The following PRKG1 variants were observed in gnomAD, a reference collection of about 807,000 sequenced individuals.
The protein encoded by PRKG1 is cGMP-dependent protein kinase 1.
In PRKG1, 35 loss-of-function variants were observed where a neutral mutation model predicts 88.1. The ratio of observed to expected loss-of-function variants is 0.40; its 90% CI spans 0.30 to 0.53. The LOEUF (loss-of-function observed/expected upper bound fraction) is 0.53, where lower values mean the gene tolerates loss of function less well. Ranked by LOEUF, PRKG1 falls within the 20% of genes least tolerant of loss-of-function variation. The probability of loss-of-function intolerance (pLI) is 0.59; values close to 1 mark genes in which losing one functional copy is unlikely to be tolerated. For missense variants in PRKG1, 540 were observed against 839.8 expected (o/e 0.64, Z 4.41); for synonymous variants, 303 against 292.5 (o/e 1.04, Z -0.37).
At chr10:52,055,523 G>A (rs988896155) in intron 6 of PRKG1, among the ~76,000 whole-genome samples, 14 of 151,964 alleles carry the variant, frequency 9.2e-5, no homozygotes, top group Non-Finnish European at 1.9e-4. Flanking sequence ...TGAGTGAATT[G>A]GAAAATAGAA....
At chr10:51,491,310 G>A (rs1020319354) in intron 3 of PRKG1, among the ~76,000 whole-genome samples, 1 of 152,112 alleles carries the variant, frequency 6.6e-6, no homozygotes, top group African/African-American at 2.4e-5. Context: ...ATACACTACT[G>A]TCAGACCTCC....
At chr10:51,397,358 T>C (rs1837607521) in intron 2 of PRKG1, among the ~76,000 whole-genome samples, 1 of 152,168 alleles carries the variant, frequency 6.6e-6, no homozygotes, top group Non-Finnish European at 1.5e-5. Context: ...TCAAAGATTA[T>C]AGTTTTTCCT....
intron 4 of PRKG1, among the ~76,000 whole-genome samples, chr10:51,902,359 G>A (rs971446921): frequency 4.6e-5 from 7 of 151,896 alleles, no homozygotes; most frequent in African/African-American, 1.5e-4. Context: ...CAGGTGATCT[G>A]CCTGCCTAGG....
At chr10:51,285,190 T>C (rs373773573) in intron 2 of PRKG1, among the ~76,000 whole-genome samples, 2 of 151,928 alleles carry the variant, frequency 1.3e-5, no homozygotes, top group Admixed American at 6.6e-5. Context: ...ATGATGGTTT[T>C]TTTTAAAAGT....
At chr10:51,570,049 G>GTATA (rs10617123) in intron 3 of PRKG1, among the ~76,000 whole-genome samples, 16 of 128,796 alleles carry the variant, frequency 1.2e-4, no homozygotes, top group East Asian at 6.0e-4. Flanking sequence ...ACCCAAACTA[G>GTATA]TATATATATA....
chr10:51,394,676 A>G (rs1430935279), intron 2 of PRKG1, among the ~76,000 whole-genome samples: 1 of 152,252 alleles, frequency 6.6e-6, no homozygotes, highest in Non-Finnish European at 1.5e-5. Context: ...GCAAATATTC[A>G]GTAAGGATTT....
At chr10:51,722,963 G>A (rs1842048511) in intron 3 of PRKG1, among the ~76,000 whole-genome samples, 1 of 152,220 alleles carries the variant, frequency 6.6e-6, no homozygotes, top group Non-Finnish European at 1.5e-5. Context: ...AAATGAACGT[G>A]TTCTCTGTGG....
chr10:52,141,038 G>T (rs1249788671), intron 8 of PRKG1, among the ~76,000 whole-genome samples: 1 of 152,164 alleles, frequency 6.6e-6, no homozygotes, highest in African/African-American at 2.4e-5. Context: ...AGGGTGATGT[G>T]AGGATATTGG....
At chr10:51,518,690 A>G (rs1841659210) in intron 3 of PRKG1, among the ~76,000 whole-genome samples, 1 of 152,210 alleles carries the variant, frequency 6.6e-6, no homozygotes, top group African/African-American at 2.4e-5. Context: ...AATAGAAGCA[A>G]GAAATACTTA....
chr10:52,047,433 C>T (rs1473289565), intron 5 of PRKG1, among the ~76,000 whole-genome samples: 2 of 152,126 alleles, frequency 1.3e-5, no homozygotes, highest in African/African-American at 4.8e-5. Context: ...GTGAGAAGAA[C>T]TTCTGGTTTA....
chr10:51,718,691 GTTCTCAC>G (rs1841942368), intron 3 of PRKG1, among the ~76,000 whole-genome samples: 1 of 152,148 alleles, frequency 6.6e-6, no homozygotes, highest in Non-Finnish European at 1.5e-5. Flanking sequence ...AACATCATAT[GTTCTCAC>G]TTCTTTGTAG....
intron 2 of PRKG1, among the ~76,000 whole-genome samples, chr10:51,199,740 G>T (rs2132053857): frequency 6.6e-6 from 1 of 152,318 alleles, no homozygotes; most frequent in African/African-American, 2.4e-5. Flanking sequence ...TCTCAAGGCA[G>T]CCTCCTTTGC....
intron 9 of PRKG1, among the ~76,000 whole-genome samples, chr10:52,204,713 A>G (rs747598658): frequency 7.2e-5 from 11 of 152,042 alleles, no homozygotes; most frequent in Non-Finnish European, 1.3e-4. Flanking sequence ...TTGCCTTGGG[A>G]CCCTGTGATG....
intron 1 of PRKG1, among the ~76,000 whole-genome samples, chr10:51,107,902 TGA>T (rs1364583789): frequency 6.1e-5 from 9 of 148,040 alleles, no homozygotes; most frequent in Non-Finnish European, 1.2e-4. Context: ...ATGTCAGAAA[TGA>T]GAGAGAGGCA....
At chr10:51,985,369 G>A (rs1844127179) in intron 5 of PRKG1, among the ~76,000 whole-genome samples, 1 of 152,122 alleles carries the variant, frequency 6.6e-6, no homozygotes, top group South Asian at 2.1e-4. Flanking sequence ...AAAATCTTTA[G>A]TGTTCATAGT....
chr10:51,570,584 CT>C (rs1837726716), intron 3 of PRKG1, among the ~76,000 whole-genome samples: 1 of 151,552 alleles, frequency 6.6e-6, no homozygotes. Context: ...CAAAGGTTAA[CT>C]TTATACATAT....
intron 2 of PRKG1, among the ~76,000 whole-genome samples, chr10:51,183,168 C>T (rs994442494): frequency 4.6e-5 from 7 of 152,082 alleles, no homozygotes; most frequent in African/African-American, 1.7e-4. Flanking sequence ...AATAGCACAA[C>T]CAAAATAATA....
At chr10:51,489,066 C>T (rs1840629204) in intron 3 of PRKG1, among the ~76,000 whole-genome samples, 1 of 152,136 alleles carries the variant, frequency 6.6e-6, no homozygotes, top group Non-Finnish European at 1.5e-5. Context: ...TAGTTAGCAA[C>T]ATACATTGAA....
In PRKG1 at chr10:52,293,936, C is replaced by T. The variant is rs1452884685; in HGVS notation, c.*36C>T. On this transcript the variant is annotated 3_prime_UTR_variant, in exon 18 of 18. Transcript: ENST00000373980. ...TTACCTGCTTCTGCCTTGCTGAAGACAGCTTTTTCTGAGACACAGCTGCCA... is the reference window on the plus strand; with the variant it reads ...TTACCTGCTTCTGCCTTGCTGAAGATAGCTTTTTCTGAGACACAGCTGCCA... 6 of 1,544,436 alleles carry T rather than the reference C, an allele frequency of 3.9e-6. No individual in the cohort carries two copies. The highest frequency in any genetic ancestry group is 5.4e-6 in the Non-Finnish European group (6 of 1,120,996).
Sources: allele counts gnomAD v4.1 joint callset (sites outside exome capture counted in the v4.1 genomes callset), GRCh38; gene constraint gnomAD v4.1.1; transcripts MANE v1.5; gene names NCBI Gene and HGNC (gene_info 2026-07-23, HGNC 2026-07-21).